Variants in SENP8 observed in about 807,000 individuals in gnomAD.
SENP8 encodes SUMO peptidase family member, NEDD8 specific.
Under a neutral mutation model 14.4 loss-of-function variants are expected in SENP8, and 10 were observed. The observed-to-expected ratio is 0.69, with a 90% CI of 0.43 to 1.18. SENP8 has a LOEUF of 1.18. SENP8 is among the 50% of genes most tolerant of loss of function. The probability of loss-of-function intolerance (pLI) is 0.00; values close to 1 mark genes in which losing one functional copy is unlikely to be tolerated. For missense variants in SENP8, 202 were observed against 249.4 expected (o/e 0.81, Z 1.28); for synonymous variants, 94 against 95.5 (o/e 0.98, Z 0.09).
chr15:72,123,810 G>A (rs551297465), intron 1 of SENP8, among the ~76,000 whole-genome samples: 2 of 152,304 alleles, frequency 1.3e-5, no homozygotes, highest in East Asian at 1.9e-4. Context: ...AAAGTGCTGG[G>A]ATTACAGGCA....
In SENP8 at chr15:72,139,669, T is replaced by G; in HGVS notation, c.46T>G (p.Ser16Ala). Reference protein sequence around the residue: ...LSYMDSLLRQSDVSLLDPPSW... With the variant: ...LSYMDSLLRQADVSLLDPPSW... The stretch of plus-strand genomic sequence containing the variant: ...TTACATGGACAGTCTACTGCGGCAA[T>G]CAGATGTCTCACTATTGGATCCGCC... Residue 16 changes from serine (S) to alanine (A), a missense_variant, in exon 2 of 2, where the codon TCA (serine) becomes GCA (alanine). Transcript: ENST00000340912. 1 of 1,614,188 alleles carries G rather than the reference T, an allele frequency of 6.2e-7. No individual in the cohort carries two copies. Among genetic ancestry groups the G allele is most frequent in the South Asian group, 1.1e-5 (1 of 91,080 alleles).
chr15:72,118,330 T>C (rs1402570497), upstream of SENP8: 1 of 206,190 alleles, frequency 4.8e-6, no homozygotes, highest in African/African-American at 2.3e-5. Flanking sequence ...GGAACTCAGC[T>C]TTAGATTCTC....
At chr15:72,133,630 T>C (rs956219087) in intron 1 of SENP8, among the ~76,000 whole-genome samples, 1 of 152,254 alleles carries the variant, frequency 6.6e-6, no homozygotes, top group Admixed American at 6.5e-5. Flanking sequence ...TCTTATGGAT[T>C]TCTTATCTCA....
rs771707092 is a variant in SENP8 at position 72,140,170 on chromosome 15, A to G, written c.547A>G (p.Thr183Ala). The G allele has an allele frequency of 6.2e-7, 1 of 1,614,032 alleles. No individual in the cohort carries two copies. The highest frequency in any genetic ancestry group is 1.3e-5 in the African/African-American group (1 of 74,934). ...ALCQNFFRQQ[T>A]ESLLQLLTPA... The stretch of plus-strand genomic sequence containing the variant: ...GTGTCAGAACTTCTTTAGGCAACAG[A>G]CAGAATCACTGCTGCAGCTACTCAC... The change falls in exon 2 of 2, where the codon ACA becomes GCA. Residue 183 changes from threonine to alanine, a missense_variant. Transcript: ENST00000340912.
chr15:72,127,727 AG>A (rs2081233897), intron 1 of SENP8, among the ~76,000 whole-genome samples: 2 of 152,346 alleles, frequency 1.3e-5, no homozygotes, highest in African/African-American at 4.8e-5. Flanking sequence ...TAGTGGAAAT[AG>A]GAGACCTGTT....
At chr15:72,116,283 AT>A (rs5813676), upstream of SENP8, among the ~76,000 whole-genome samples, 1 of 152,118 alleles carries the variant, frequency 6.6e-6, no homozygotes, top group East Asian at 1.9e-4. Context: ...TTACTTTAAC[AT>A]TTTTTACTGT....
At chr15:72,133,063 C>T (rs1333129595) in intron 1 of SENP8, among the ~76,000 whole-genome samples, 33 of 151,970 alleles carry the variant, frequency 2.2e-4, no homozygotes, top group South Asian at 2.1e-4. Flanking sequence ...CCCAGCTACG[C>T]GGGAGGCTGA....
At chr15:72,115,498 T>C (rs1296972852), upstream of SENP8, among the ~76,000 whole-genome samples, 1 of 152,194 alleles carries the variant, frequency 6.6e-6, no homozygotes, top group African/African-American at 2.4e-5. Context: ...TGTATGCAAC[T>C]TCTCCCCAAC....
Position 72,142,870 on chromosome 15 carries a change from A to G in SENP8, c.*2608A>G, listed in dbSNP as rs1183548682. On this transcript the variant is annotated 3_prime_UTR_variant, in exon 2 of 2. Coordinates refer to ENST00000340912, the MANE Select transcript of SENP8 (RefSeq NM_145204.4). ...TATTGACCGTATGTTTTAATAACAC[A>G]TTCCATTGAAATGACCAAGTAGAAT... The G allele has an allele frequency of 2.0e-5, 3 of 152,234 alleles. No homozygotes were observed. Among genetic ancestry groups the G allele is most frequent in the Non-Finnish European group, 4.4e-5 (3 of 68,050 alleles). 9.4% of individuals were successfully genotyped at this position (152,234 alleles called of 1,614,324 possible).
At chr15:72,137,685 T>C (rs970632733) in intron 1 of SENP8, among the ~76,000 whole-genome samples, 1 of 152,182 alleles carries the variant, frequency 6.6e-6, no homozygotes, top group Non-Finnish European at 1.5e-5. Context: ...TGAAAATTAA[T>C]GTTGAGGCCA....
intron 1 of SENP8, among the ~76,000 whole-genome samples, chr15:72,123,040 A>G (rs2081182499): frequency 6.6e-6 from 1 of 152,262 alleles, no homozygotes; most frequent in East Asian, 1.9e-4. Context: ...TTAGATATTT[A>G]TTGAACCTCT....
chr15:72,129,002 T>C (rs2073005535), intron 1 of SENP8, among the ~76,000 whole-genome samples: 1 of 152,240 alleles, frequency 6.6e-6, no homozygotes, highest in Non-Finnish European at 1.5e-5. Flanking sequence ...AATTCTGGAA[T>C]AGTATGTTTT....
At chr15:72,118,239 C>T (rs2081080690), upstream of SENP8, 2 of 333,044 alleles carry the variant, frequency 6.0e-6, no homozygotes, top group Non-Finnish European at 1.1e-5. Context: ...GTACAGCGTG[C>T]GCTTGCGCAG....
At chr15:72,116,003 G>GA (rs1240851254), upstream of SENP8, among the ~76,000 whole-genome samples, 3 of 152,100 alleles carry the variant, frequency 2.0e-5, no homozygotes, top group African/African-American at 7.2e-5. Context: ...CTAGGATGTA[G>GA]TATTAAGTAA....
intron 1 of SENP8, among the ~76,000 whole-genome samples, chr15:72,130,465 A>G (rs1197632493): frequency 6.6e-6 from 1 of 152,216 alleles, no homozygotes; most frequent in African/African-American, 2.4e-5. Flanking sequence ...TAGTCCAATA[A>G]AACTTTATTT....
At chr15:72,118,232 CA>C, upstream of SENP8, 1 of 339,708 alleles carries the variant, frequency 2.9e-6, no homozygotes, top group Non-Finnish European at 5.3e-6. Context: ...CTGGAGAGTA[CA>C]GCGTGCGCTT....
At chr15:72,131,808 G>T (rs977504969) in intron 1 of SENP8, among the ~76,000 whole-genome samples, 1 of 152,200 alleles carries the variant, frequency 6.6e-6, no homozygotes, top group Non-Finnish European at 1.5e-5. Context: ...AAGCACAAGA[G>T]CAGAGTCATG....
chr15:72,129,536 ATTT>A (rs35079066), intron 1 of SENP8, among the ~76,000 whole-genome samples: 7 of 105,440 alleles, frequency 6.6e-5, no homozygotes, highest in Non-Finnish European at 6.1e-5. Context: ...CTAATTTTGT[ATTT>A]TTTTTTTTTT....
intron 1 of SENP8, among the ~76,000 whole-genome samples, chr15:72,119,893 A>G (rs768630309): frequency 1.3e-5 from 2 of 152,218 alleles, no homozygotes; most frequent in African/African-American, 2.4e-5. Context: ...AGCACTGTTC[A>G]TTCCTCAGTG....
Sources: gnomAD v4.1 joint callset for allele counts (sites outside exome capture counted in the v4.1 genomes callset) on GRCh38, gnomAD v4.1.1 for gene constraint, MANE v1.5 for transcripts, NCBI Gene and HGNC (gene_info 2026-07-23, HGNC 2026-07-21) for gene names.